The following RGPD2 variants were observed in gnomAD, a reference collection of about 807,000 sequenced individuals.
The protein encoded by RGPD2 is RANBP2-like and GRIP domain-containing protein 2.
A neutral mutation model predicts 36.0 loss-of-function variants in RGPD2; 2 were observed. The ratio of observed to expected loss-of-function variants is 0.06; its 90% CI spans 0.02 to 0.17. The LOEUF (loss-of-function observed/expected upper bound fraction) is 0.17. RGPD2 is among the 10% of genes least tolerant of loss of function. The pLI is 1.00. For synonymous variants in RGPD2, 19 were observed against 163.8 expected, an observed-to-expected ratio of 0.12 and a Z score of 6.75; for missense variants, 40 against 464.3, an observed-to-expected ratio of 0.09 and a Z score of 8.40.
chr2:87,824,497 C>T (rs1179267765), intron 1 of RGPD2, among the ~76,000 whole-genome samples: 2 of 151,898 alleles, frequency 1.3e-5, no homozygotes, highest in Non-Finnish European at 2.9e-5. Context: ...TTCTTCACAG[C>T]CACTGCCTCT....
chr2:87,974,684 A>T, the RGPD2 span, among the ~76,000 whole-genome samples: 5 of 152,298 alleles, frequency 3.3e-5, no homozygotes, highest in East Asian at 9.7e-4. Context: ...TCTCATTGCC[A>T]ATGCCTTTGG....
At chr2:87,878,760 G>A in the RGPD2 span, among the ~76,000 whole-genome samples, 1 of 152,024 alleles carries the variant, frequency 6.6e-6, no homozygotes, top group South Asian at 2.1e-4. Context: ...ACAGCCTCTG[G>A]TAACCACCAT....
chr2:87,978,799 A>G, the RGPD2 span, among the ~76,000 whole-genome samples: 114,734 of 127,438 alleles, frequency 0.9, 52,158 homozygotes, highest in East Asian at 0.99. Flanking sequence ...CATACCAGTA[A>G]TCCTAGCCAC....
the RGPD2 span, among the ~76,000 whole-genome samples, chr2:87,952,210 T>G: frequency 6.6e-6 from 1 of 152,218 alleles, no homozygotes; most frequent in Admixed American, 6.5e-5. Flanking sequence ...GGAAATTTGT[T>G]AATTAAAAAA....
At chr2:87,971,958 A>G in the RGPD2 span, among the ~76,000 whole-genome samples, 1 of 151,240 alleles carries the variant, frequency 6.6e-6, no homozygotes, top group African/African-American at 2.4e-5. Context: ...GAACCCAACC[A>G]CCCAAAAAAA....
the RGPD2 span, among the ~76,000 whole-genome samples, chr2:87,934,588 A>G: frequency 2.6e-5 from 4 of 151,380 alleles, no homozygotes; most frequent in African/African-American, 4.8e-5. Context: ...TTATTTGATA[A>G]GATCATTTGT....
the RGPD2 span, among the ~76,000 whole-genome samples, chr2:87,913,049 T>C: frequency 6.6e-6 from 1 of 152,158 alleles, no homozygotes; most frequent in Non-Finnish European, 1.5e-5. Context: ...CAAAATTATG[T>C]AAATAAAATG....
Position 87,757,326 on chromosome 2 carries a change from CAGAA to C in RGPD2, c.*62_*65del, listed in dbSNP as rs1465060440. ...AAACCAGAATATGTGAATAAGCAGA[CAGAA>C]AGAATCTTTTTGATGTCGATGTTCA... On this transcript the variant is annotated 3_prime_UTR_variant, in exon 23 of 23. Coordinates refer to ENST00000398146, the MANE Select transcript of RGPD2 (RefSeq NM_001078170.3). 1.4e-3 allele frequency: 47 copies of C among 34,630 alleles called. No individual in the cohort carries two copies. Among genetic ancestry groups the C allele is most frequent in the Admixed American group, 2.1e-3 (6 of 2,884 alleles). 2.1% of individuals were successfully genotyped at this position (34,630 alleles called of 1,614,324 possible).
the RGPD2 span, among the ~76,000 whole-genome samples, chr2:87,885,793 ACAGT>A: frequency 6.7e-6 from 1 of 148,300 alleles, no homozygotes; most frequent in Non-Finnish European, 1.5e-5. Flanking sequence ...AGAATTATCT[ACAGT>A]CAATCTAATG....
At chr2:87,834,394 A>C in the RGPD2 span, among the ~76,000 whole-genome samples, 4 of 152,068 alleles carry the variant, frequency 2.6e-5, no homozygotes, top group African/African-American at 9.7e-5. Context: ...TCAGCCTGAG[A>C]AGCAAGAATT....
chr2:87,932,638 C>T, the RGPD2 span, among the ~76,000 whole-genome samples: 3 of 150,268 alleles, frequency 2.0e-5, no homozygotes, highest in South Asian at 2.1e-4. Flanking sequence ...TCTTGTAAGG[C>T]AGTTCTGGTG....
the RGPD2 span, among the ~76,000 whole-genome samples, chr2:87,923,263 A>G: frequency 6.6e-6 from 1 of 152,190 alleles, no homozygotes; most frequent in Non-Finnish European, 1.5e-5. Flanking sequence ...AGAAAACCTG[A>G]TAATCCTTCT....
chr2:87,897,199 G>A, the RGPD2 span, among the ~76,000 whole-genome samples: 1 of 147,198 alleles, frequency 6.8e-6, no homozygotes, highest in East Asian at 2.0e-4. Context: ...GTTAAGAAAC[G>A]ATATCTAAGA....
At chr2:87,948,257 C>T in the RGPD2 span, among the ~76,000 whole-genome samples, 20 of 151,926 alleles carry the variant, frequency 1.3e-4, 1 homozygote, top group East Asian at 9.7e-4. Context: ...CATAGGGCTG[C>T]TGTGAGAGTT....
the RGPD2 span, among the ~76,000 whole-genome samples, chr2:87,860,862 A>C: frequency 6.6e-6 from 1 of 151,720 alleles, no homozygotes; most frequent in African/African-American, 2.4e-5. Context: ...CTTAGAATTC[A>C]ACCTGCTTCC....
chr2:87,974,942 T>G, the RGPD2 span, among the ~76,000 whole-genome samples: 9 of 152,068 alleles, frequency 5.9e-5, no homozygotes, highest in South Asian at 1.9e-3. Flanking sequence ...ATCCTGTCCC[T>G]CCTCTGTTTA....
the RGPD2 span, chr2:87,985,880 C>T: frequency 1.9e-6 from 3 of 1,606,764 alleles, no homozygotes; most frequent in East Asian, 2.2e-5. Context: ...TTTCTTTTGG[C>T]AGGATAAACT....
At chr2:87,985,973 T>G in the RGPD2 span, 1 of 1,246,592 alleles carries the variant, frequency 8.0e-7, no homozygotes, top group Admixed American at 2.6e-5. Flanking sequence ...CTTTTCCCCT[T>G]TCAATAACCA....
At chr2:87,824,734 CAG>C (rs1686560994) in intron 1 of RGPD2, among the ~76,000 whole-genome samples, 4 of 111,730 alleles carry the variant, frequency 3.6e-5, no homozygotes, top group Non-Finnish European at 6.2e-5. Flanking sequence ...GCCGCCCGGC[CAG>C]GCCGAGGCCG....
Sources: allele counts gnomAD v4.1 joint callset (sites outside exome capture counted in the v4.1 genomes callset), GRCh38; gene constraint gnomAD v4.1.1; transcripts MANE v1.5; gene names NCBI Gene and HGNC (gene_info 2026-07-23, HGNC 2026-07-21).